The following QKI variants were observed in gnomAD, a reference collection of about 807,000 sequenced individuals.
QKI encodes the protein QKI, KH domain containing RNA binding, also known as KH domain-containing RNA-binding protein QKI.
A neutral mutation model predicts 39.0 loss-of-function variants in QKI; 10 were observed. The observed-to-expected ratio is 0.26, with a 90% CI of 0.16 to 0.43. The LOEUF (loss-of-function observed/expected upper bound fraction) is 0.43. Among genes scored for constraint, QKI ranks in the 20% least tolerant of loss-of-function variants. The pLI is 1.00. For missense variants in QKI, 218 were observed against 428.0 expected (o/e 0.51, Z 4.33); for synonymous variants, 204 against 155.4 (o/e 1.31, Z -2.33).
At chr6:163,416,448 A>C (rs1787513349) in intron 1 of QKI, 1 of 158,934 alleles carries the variant, frequency 6.3e-6, no homozygotes, top group Admixed American at 6.1e-5. Flanking sequence ...GCTTAGAGGC[A>C]CCACCGGAGG....
At chr6:163,441,089 A>G (rs906220551) in intron 1 of QKI, among the ~76,000 whole-genome samples, 5 of 152,184 alleles carry the variant, frequency 3.3e-5, no homozygotes, top group Non-Finnish European at 5.9e-5. Flanking sequence ...CTTTTGTGCA[A>G]TCCTGGCAGG....
chr6:163,511,962 CAAATT>C (rs1396011250), intron 3 of QKI, among the ~76,000 whole-genome samples: 5 of 111,904 alleles, frequency 4.5e-5, no homozygotes, highest in Middle Eastern at 4.5e-3. Context: ...AAAATTTGAG[CAAATT>C]AAATTAACGA....
Position 163,572,689 on chromosome 6 carries a change from T to G in QKI, c.*1979T>G, listed in dbSNP as rs1037404130. On this transcript the variant is annotated 3_prime_UTR_variant, in exon 8 of 8. Coordinates refer to ENST00000361752, the MANE Select transcript of QKI (RefSeq NM_006775.3). ...CAGTGGACCCCCCCCCCCGCCCAGC[T>G]TATCAACTCGTCCCCTCTTCCACAC... 3.0e-3 allele frequency: 18 copies of G among 5,964 alleles called. No individual in the cohort carries two copies. The highest frequency in any genetic ancestry group is 0.011 in the African/African-American group (18 of 1,606). 0.4% of individuals were successfully genotyped at this position (5,964 alleles called of 1,614,324 possible).
chr6:163,494,935 A>T (rs1411928647), intron 3 of QKI, among the ~76,000 whole-genome samples: 3 of 150,180 alleles, frequency 2.0e-5, no homozygotes, highest in Admixed American at 2.0e-4. Flanking sequence ...TTTTTTTTTG[A>T]GACAGAGTCA....
intron 1 of QKI, among the ~76,000 whole-genome samples, chr6:163,441,124 G>GT (rs931694726): frequency 6.6e-5 from 10 of 151,948 alleles, no homozygotes; most frequent in Non-Finnish European, 1.2e-4. Context: ...TATTGGCTCG[G>GT]TTTTTTTCTT....
At chr6:163,421,607 T>C (rs1198880778) in intron 1 of QKI, among the ~76,000 whole-genome samples, 2 of 152,220 alleles carry the variant, frequency 1.3e-5, no homozygotes, top group African/African-American at 4.8e-5. Context: ...AGTATAATCA[T>C]ATGTGGCTGA....
At chr6:163,471,952 T>A (rs1792225944) in intron 2 of QKI, among the ~76,000 whole-genome samples, 1 of 152,158 alleles carries the variant, frequency 6.6e-6, no homozygotes, top group African/African-American at 2.4e-5. Context: ...TTAGTATCAG[T>A]GTAAGCTTAA....
rs1213676427 is a variant in QKI at position 163,478,848 on chromosome 6, A to G, written c.354A>G (p.Gly118=). ...CCAAACAACTTGAAGCAGAAACCGG[A>G]TGTAAAATCATGGTCCGAGGCAAAG... ...LTAKQLEAET[G]CKIMVRGKGS... is the part of the protein sequence containing the mutation. The change falls in exon 3 of 8, where the codon GGA becomes GGG. Residue 118 remains glycine, a synonymous_variant. Coordinates refer to ENST00000361752, the MANE Select transcript of QKI (RefSeq NM_006775.3). 1.6e-5 allele frequency: 26 copies of G among 1,613,866 alleles called. No homozygotes were observed. Among genetic ancestry groups the G allele is most frequent in the Non-Finnish European group, 2.0e-5 (24 of 1,179,890 alleles).
intron 3 of QKI, among the ~76,000 whole-genome samples, chr6:163,506,397 TTAAGAA>T (rs1779095355): frequency 6.6e-6 from 1 of 152,196 alleles, no homozygotes; most frequent in Admixed American, 6.5e-5. Flanking sequence ...AGTTTTATGA[TTAAGAA>T]TATTTCTGTA....
At chr6:163,552,404 G>T (rs894328790) in intron 4 of QKI, among the ~76,000 whole-genome samples, 2 of 151,914 alleles carry the variant, frequency 1.3e-5, no homozygotes, top group Non-Finnish European at 2.9e-5. Context: ...TAGAGACAGG[G>T]TTTCACCGTG....
chr6:163,531,139 T>TTCAA (rs1396820778), intron 3 of QKI, among the ~76,000 whole-genome samples: 1 of 152,202 alleles, frequency 6.6e-6, no homozygotes, highest in Non-Finnish European at 1.5e-5. Flanking sequence ...TCTATTTGTA[T>TTCAA]TCAAAATTTT....
At chr6:163,483,966 A>T (rs949933960) in intron 3 of QKI, among the ~76,000 whole-genome samples, 16 of 152,242 alleles carry the variant, frequency 1.1e-4, no homozygotes, top group African/African-American at 3.9e-4. Context: ...TCCATGGGTT[A>T]CAGAATGAAT....
In QKI at chr6:163,420,906, T is replaced by C. The variant is rs1019690469; in HGVS notation, c.142+5571T>C. On this transcript the variant is annotated intron_variant, in intron 1 of 7. Coordinates refer to ENST00000361752, the MANE Select transcript of QKI (RefSeq NM_006775.3). ...TATGGAGTGATCATTATAGTTAGCA[T>C]TGGAATATTATTACCTGTCTGCCCT... is the stretch of plus-strand genomic sequence containing the variant. 4.6e-5 allele frequency among the ~76,000 whole-genome samples: 7 copies of C among 152,324 alleles called. No homozygotes were observed. In the East Asian group the frequency reaches 5.8e-4, roughly 13 times the overall value.
intron 3 of QKI, among the ~76,000 whole-genome samples, chr6:163,528,611 T>C (rs895992662): frequency 2.6e-5 from 4 of 152,200 alleles, no homozygotes; most frequent in Admixed American, 2.0e-4. Context: ...AAAAGCTTAG[T>C]TGCCATCATC....
chr6:163,535,390 C>A (rs1235056622), intron 4 of QKI, among the ~76,000 whole-genome samples: 1 of 151,990 alleles, frequency 6.6e-6, no homozygotes, highest in Admixed American at 6.6e-5. Context: ...ATCAGTTCTC[C>A]TTCCTTCCCG....
chr6:163,440,851 A>G (rs1022106358), intron 1 of QKI, among the ~76,000 whole-genome samples: 2 of 149,638 alleles, frequency 1.3e-5, no homozygotes, highest in Non-Finnish European at 3.0e-5. Context: ...AAATCATTAT[A>G]TTGTATCATT....
In QKI at chr6:163,533,826, C is replaced by G. The variant is rs1781028641; in HGVS notation, c.403-1156C>G. 2.0e-5 allele frequency among the ~76,000 whole-genome samples: 3 copies of G among 152,002 alleles called. No homozygotes were observed. The South Asian group carries it at 6.2e-4, about 31-fold the overall frequency. The stretch of plus-strand genomic sequence containing the variant: ...CCCTTACAATATGTGGATGCATTTT[C>G]ATCCTAAAGATGTGTTGATTAAAAA... On this transcript the variant is annotated intron_variant, in intron 3 of 7. Transcript: ENST00000361752.
rs1777696215 is a variant in QKI at position 163,578,315 on chromosome 6, G to C, written c.*7605G>C. On this transcript the variant is annotated 3_prime_UTR_variant, in exon 8 of 8. Coordinates refer to ENST00000361752, the MANE Select transcript of QKI (RefSeq NM_006775.3). ...CCACAATTCTTGCAGAACTATTTGAGTTGATACTAAAGATTTTATGTTCAC... is the reference window on the plus strand; with the variant it reads ...CCACAATTCTTGCAGAACTATTTGACTTGATACTAAAGATTTTATGTTCAC... 1 of 152,196 alleles carries C rather than the reference G, an allele frequency of 6.6e-6. No homozygotes were observed. The highest frequency in any genetic ancestry group is 6.5e-5 in the Admixed American group (1 of 15,274). 9.4% of individuals were successfully genotyped at this position (152,196 alleles called of 1,614,324 possible). A position where few individuals can be genotyped will look rare whatever the true frequency, so the allele number is the denominator to read the frequency against.
intron 3 of QKI, among the ~76,000 whole-genome samples, chr6:163,491,849 CTG>C (rs555788548): frequency 1.9e-3 from 285 of 152,202 alleles, no homozygotes; most frequent in Non-Finnish European, 3.6e-3. Context: ...ATACTTTAAC[CTG>C]TAAAACTTCA....
Sources: gnomAD v4.1 joint callset for allele counts (sites outside exome capture counted in the v4.1 genomes callset) on GRCh38, gnomAD v4.1.1 for gene constraint, MANE v1.5 for transcripts, NCBI Gene and HGNC (gene_info 2026-07-23, HGNC 2026-07-21) for gene names.